Variants in ZNF765 observed in about 807,000 individuals in gnomAD.
The protein encoded by ZNF765 is zinc finger protein 765.
ZNF765 carries 37 observed loss-of-function variants against 44.7 expected under a neutral mutation model. The observed-to-expected ratio is 0.83, with a 90% CI of 0.64 to 1.09. The LOEUF (loss-of-function observed/expected upper bound fraction) is 1.09, where lower values mean the gene tolerates loss of function less well. Among genes scored for constraint, ZNF765 ranks in the 50% least tolerant of loss-of-function variants. The probability of loss-of-function intolerance (pLI) is 0.00; values close to 1 mark genes in which losing one functional copy is unlikely to be tolerated. For synonymous variants in ZNF765, 201 were observed against 213.7 expected (o/e 0.94, Z 0.52); for missense variants, 594 against 626.1 (o/e 0.95, Z 0.55).
At chr19:53,403,383 C>T (rs1248512491) in intron 3 of ZNF765, among the ~76,000 whole-genome samples, 1 of 152,106 alleles carries the variant, frequency 6.6e-6, no homozygotes, top group Non-Finnish European at 1.5e-5. Flanking sequence ...TTCTTCATTT[C>T]TCATTTACTA....
At chr19:53,417,297 A>G (rs570650841) in intron 3 of ZNF765, among the ~76,000 whole-genome samples, 35 of 152,116 alleles carry the variant, frequency 2.3e-4, no homozygotes, top group African/African-American at 8.2e-4. Context: ...ATGCCCTCCA[A>G]TAGGCCCCAG....
Position 53,409,783 on chromosome 19 carries a change from A to T in ZNF765, c.*656A>T. ...GACTTCATACTGGAGAGATACCTTA[A>T]AAGTGTAGTGAGTGTGGCAAGACCT... On this transcript the variant is annotated 3_prime_UTR_variant, in exon 4 of 4. Coordinates refer to ENST00000396408, the MANE Select transcript of ZNF765 (RefSeq NM_001040185.3). 1.3e-6 allele frequency: 1 copy of T among 771,268 alleles called. No individual in the cohort carries two copies. 47.8% of individuals were successfully genotyped at this position (771,268 alleles called of 1,614,324 possible). A position where few individuals can be genotyped will look rare whatever the true frequency, so the allele number is the denominator to read the frequency against.
In ZNF765 at chr19:53,410,930, T is replaced by G. The variant is rs1305182472; in HGVS notation, c.*1803T>G. ...ATACTGGACAGAAATCTTATAAATG[T>G]CATCAGTGTGCCAAAGTCTTCAGTC... On this transcript the variant is annotated 3_prime_UTR_variant, in exon 4 of 4. Coordinates refer to ENST00000396408, the MANE Select transcript of ZNF765 (RefSeq NM_001040185.3). 2 of 425,132 alleles carry G rather than the reference T, an allele frequency of 4.7e-6. No homozygotes were observed. Among genetic ancestry groups the G allele is most frequent in the Non-Finnish European group, 9.5e-6 (2 of 209,766 alleles). 26.3% of individuals were successfully genotyped at this position (425,132 alleles called of 1,614,324 possible).
At chr19:53,405,083 G>T (rs1433610747) in intron 3 of ZNF765, among the ~76,000 whole-genome samples, 2 of 152,160 alleles carry the variant, frequency 1.3e-5, no homozygotes, top group African/African-American at 4.8e-5. Context: ...CGGGCACGGT[G>T]GCTCAAGCCA....
chr19:53,418,908 A>T lies in ZNF765; in HGVS notation c.143-4154A>T, dbSNP rs866760167. Among the ~76,000 whole-genome samples, 10 of 73,064 alleles carry T rather than the reference A, an allele frequency of 1.4e-4. No homozygotes were observed. The South Asian group carries it at 4.5e-3, about 33-fold the overall frequency. The allele number at this position is 73,064 out of a possible 152,430, so 47.9% of individuals were successfully genotyped here. On this transcript the variant is annotated intron_variant, in intron 3 of 3. Transcript: ENST00000594030. ...CATAAGAGCGAAACTCCGTTGTGGG[A>T]GGAAAAAAAAAAAAAAAAAAAAAGT... is the stretch of plus-strand genomic sequence containing the variant.
At chr19:53,416,407 AAAAAT>A (rs2085875376), downstream of ZNF765, among the ~76,000 whole-genome samples, 1 of 152,270 alleles carries the variant, frequency 6.6e-6, no homozygotes, top group Admixed American at 6.5e-5. Context: ...CTCAGTCTCA[AAAAAT>A]AAAATAAAAT....
In ZNF765 at chr19:53,406,329, G is replaced by A. The variant is rs891024171; in HGVS notation, c.143-1369G>A. Among the ~76,000 whole-genome samples, 3 of 151,674 alleles carry A rather than the reference G, an allele frequency of 2.0e-5. 1 individual carries two copies. The highest frequency in any genetic ancestry group is 4.2e-4 in the South Asian group (2 of 4,796). On this transcript the variant is annotated intron_variant, in intron 3 of 3. Transcript: ENST00000396408. ...CAGACCTGAGCCACCGTGTCCAGCC[G>A]TTAGTCAATTCTTATTCCTTATAAT...
chr19:53,401,303 C>T (rs2085723106), intron 2 of ZNF765, among the ~76,000 whole-genome samples: 1 of 152,134 alleles, frequency 6.6e-6, no homozygotes, highest in Non-Finnish European at 1.5e-5. Flanking sequence ...GTGTCTGACG[C>T]CTGTAATCCC....
At chr19:53,401,597 G>A (rs931073365) in intron 2 of ZNF765, among the ~76,000 whole-genome samples, 2 of 151,746 alleles carry the variant, frequency 1.3e-5, no homozygotes, top group Admixed American at 1.3e-4. Flanking sequence ...ACGTTTCTGG[G>A]CCGGGCACGG....
chr19:53,409,703 T>C lies in ZNF765; in HGVS notation c.*576T>C. On this transcript the variant is annotated 3_prime_UTR_variant, in exon 4 of 4. Transcript: ENST00000396408. ...TTCATACTGGAGGATACCTTACAAATGTAATGAGTGTGGCAAGACCTTTAG... is the reference window on the plus strand; with the variant it reads ...TTCATACTGGAGGATACCTTACAAACGTAATGAGTGTGGCAAGACCTTTAG... 1 of 1,036,284 alleles carries C rather than the reference T, an allele frequency of 9.6e-7. No individual in the cohort carries two copies. Among genetic ancestry groups the C allele is most frequent in the Non-Finnish European group, 1.5e-6 (1 of 661,694 alleles). 64.2% of individuals were successfully genotyped at this position (1,036,284 alleles called of 1,614,324 possible).
rs1159023692 is a variant in ZNF765 at position 53,408,489 on chromosome 19, T to C, written c.934T>C (p.Ser312Pro). ...ATGTGACAAAGCTTTCCATTTCAAA[T>C]CAAAGCTTCAAATACATAGGAGAAT... ...EECDKAFHFK[S>P]KLQIHRRIHT... The change falls in exon 4 of 4, where the codon TCA (serine) becomes CCA (proline). Residue 312 changes from serine to proline, a missense_variant. Ser to Pro is a moderately conservative substitution (Grantham distance 74). This residue lies in a region of ZNF765 where 567 missense variants were observed against 572.6 expected (regional missense o/e 0.99). Transcript: ENST00000396408. The C allele has an allele frequency of 2.5e-6, 4 of 1,613,318 alleles. No individual in the cohort carries two copies. The East Asian group carries it at 8.9e-5, about 36-fold the overall frequency.
Position 53,409,040 on chromosome 19 carries a change from AT to A in ZNF765, c.1486del (p.Cys496ValfsTer91). On this transcript the variant is annotated frameshift_variant, in exon 4 of 4. Coordinates refer to ENST00000396408, the MANE Select transcript of ZNF765 (RefSeq NM_001040185.3). LOFTEE classifies it high-confidence loss of function. The stretch of plus-strand genomic sequence containing the variant: ...TTCATACTGGACAGAAACCTTACAA[AT>A]GTGAAGATTGTGATGAAGCTTTCAG... ...RLHTGQKPYKCEDCDEAFSFK... is the reference protein window; with the variant it reads ...RLHTGQKPYKXEDCDEAFSFK... The A allele has an allele frequency of 6.2e-7, 1 of 1,613,920 alleles. No homozygotes were observed. Among genetic ancestry groups the A allele is most frequent in the South Asian group, 1.1e-5 (1 of 91,076 alleles).
intron 3 of ZNF765, among the ~76,000 whole-genome samples, chr19:53,405,937 A>ACCAAC (rs1220770579): frequency 1.1e-5 from 1 of 94,470 alleles, no homozygotes; most frequent in Non-Finnish European, 2.0e-5. Flanking sequence ...ATATATATAT[A>ACCAAC]TATATATATA....
exon 4 of ZNF765, chr19:53,424,826 G>C (rs529451826): frequency 1.3e-5 from 2 of 151,944 alleles, no homozygotes; most frequent in Non-Finnish European, 2.9e-5. Context: ...ACCAAGCCTG[G>C]CTAATTTTGT....
intron 3 of ZNF765, among the ~76,000 whole-genome samples, chr19:53,405,903 C>CCATATA (rs2085768367): frequency 6.1e-5 from 3 of 49,170 alleles, no homozygotes; most frequent in African/African-American, 1.8e-4. Context: ...TTAATACCAA[C>CCATATA]TATATATATA....
At chr19:53,421,479 C>A (rs1277889551) in intron 3 of ZNF765, among the ~76,000 whole-genome samples, 1 of 152,122 alleles carries the variant, frequency 6.6e-6, no homozygotes, top group East Asian at 1.9e-4. Context: ...GAGGGGCTGG[C>A]CCCCTTCAGA....
chr19:53,410,077 T>C lies in ZNF765; in HGVS notation c.*950T>C. ...CCTTTGCAGTTCATGGGTGAAGTCG[T>C]ATTAGAAACCTTACAAATGTGAAGA... On this transcript the variant is annotated 3_prime_UTR_variant, in exon 4 of 4. Transcript: ENST00000396408. 4.4e-6 allele frequency: 2 copies of C among 452,428 alleles called. No individual in the cohort carries two copies. The highest frequency in any genetic ancestry group is 9.0e-6 in the Non-Finnish European group (2 of 222,476). 28.0% of individuals were successfully genotyped at this position (452,428 alleles called of 1,614,324 possible). A position where few individuals can be genotyped will look rare whatever the true frequency, so the allele number is the denominator to read the frequency against.
Position 53,409,209 on chromosome 19 carries a change from T to C in ZNF765, c.*82T>C, listed in dbSNP as rs1600059629. ...ATAGTGGAGAGAAACCTTACAAATA[T>C]GAAGAACTTGACAAAGCTTACAATT... On this transcript the variant is annotated 3_prime_UTR_variant, in exon 4 of 4. Transcript: ENST00000396408. 3.1e-6 allele frequency: 4 copies of C among 1,296,254 alleles called. No individual in the cohort carries two copies. Among genetic ancestry groups the C allele is most frequent in the East Asian group, 4.6e-5 (2 of 43,208 alleles). 80.3% of individuals were successfully genotyped at this position (1,296,254 alleles called of 1,614,324 possible). A position where few individuals can be genotyped will look rare whatever the true frequency, so the allele number is the denominator to read the frequency against.
intron 3 of ZNF765, among the ~76,000 whole-genome samples, chr19:53,405,903 C>CTCTA (rs2085768455): frequency 2.0e-5 from 1 of 49,170 alleles, no homozygotes; most frequent in Non-Finnish European, 4.9e-5. Context: ...TTAATACCAA[C>CTCTA]TATATATATA....
Sources: gnomAD v4.1 joint callset for allele counts (sites outside exome capture counted in the v4.1 genomes callset) on GRCh38, gnomAD v4.1.1 for gene constraint, gnomAD v4.1.1 regional missense constraint, MANE v1.5 for transcripts, NCBI Gene and HGNC (gene_info 2026-07-23, HGNC 2026-07-21) for gene names.